The following MAN2A1 variants were observed in gnomAD, a reference collection of about 807,000 sequenced individuals.
MAN2A1 encodes the protein mannosidase alpha class 2A member 1.
In MAN2A1, 76 loss-of-function variants were observed where a neutral mutation model predicts 142.6. That is an observed-to-expected ratio of 0.53 (90% CI 0.44 to 0.65). The LOEUF is 0.65. MAN2A1 is among the 30% of genes least tolerant of loss of function. The pLI, the probability that MAN2A1 is intolerant of heterozygous loss-of-function variation, is 0.00. For synonymous variants in MAN2A1, 559 were observed against 473.2 expected (o/e 1.18, Z -2.35); for missense variants, 1,311 against 1,365.1 (o/e 0.96, Z 0.62).
At chr5:109,789,382 A>T in intron 11 of MAN2A1, 78 bp from the exon 12 acceptor site, 1 of 831,950 alleles carries the variant, frequency 1.2e-6, no homozygotes, top group Non-Finnish European at 1.9e-6. Flanking sequence ...CTAAACTTGA[A>T]TTTGAATGGT....
At chr5:109,785,345 A>G (rs915282666) in intron 10 of MAN2A1, among the ~76,000 whole-genome samples, 2 of 151,654 alleles carry the variant, frequency 1.3e-5, no homozygotes, top group African/African-American at 2.4e-5. Flanking sequence ...TTGTTCTTGT[A>G]TACTTCTTTT....
At chr5:109,814,813 C>G (rs1450544543) in intron 12 of MAN2A1, among the ~76,000 whole-genome samples, 1 of 151,960 alleles carries the variant, frequency 6.6e-6, no homozygotes, top group Non-Finnish European at 1.5e-5. Context: ...AATTAGTGTT[C>G]TGGATGCTTA....
chr5:109,797,894 A>G (rs1753906472), intron 12 of MAN2A1, among the ~76,000 whole-genome samples: 1 of 152,218 alleles, frequency 6.6e-6, no homozygotes, highest in African/African-American at 2.4e-5. Context: ...ACTCAAAGTT[A>G]TCTTTCATAT....
At chr5:109,782,929 C>G (rs1753499292) in intron 9 of MAN2A1, among the ~76,000 whole-genome samples, 2 of 151,946 alleles carry the variant, frequency 1.3e-5, no homozygotes, top group South Asian at 4.2e-4. Context: ...ATGTTTCTTA[C>G]AAAGAAATAA....
At chr5:109,852,993 A>G (rs987654876) in intron 19 of MAN2A1, among the ~76,000 whole-genome samples, 2 of 152,132 alleles carry the variant, frequency 1.3e-5, no homozygotes, top group African/African-American at 4.8e-5. Context: ...TGGTGCTCTT[A>G]GGGTAGTGAA....
chr5:109,861,080 T>A (rs1442553544), intron 20 of MAN2A1, among the ~76,000 whole-genome samples: 1 of 152,210 alleles, frequency 6.6e-6, no homozygotes, highest in East Asian at 1.9e-4. Context: ...ATGTCCTGGG[T>A]ATGAGCATGT....
At chr5:109,750,519 T>C (rs1166995491) in intron 4 of MAN2A1, among the ~76,000 whole-genome samples, 1 of 152,114 alleles carries the variant, frequency 6.6e-6, no homozygotes, top group Non-Finnish European at 1.5e-5. Context: ...TAATGTTGTC[T>C]CTTTTCTTCC....
At chr5:109,732,782 G>A (rs1274843438) in intron 4 of MAN2A1, among the ~76,000 whole-genome samples, 1 of 152,114 alleles carries the variant, frequency 6.6e-6, no homozygotes, top group Non-Finnish European at 1.5e-5. Flanking sequence ...AGTATAGTTT[G>A]AAGTCAGGTA....
intron 1 of MAN2A1, among the ~76,000 whole-genome samples, chr5:109,705,006 C>G (rs1002325637): frequency 1.3e-5 from 2 of 152,124 alleles, no homozygotes; most frequent in Non-Finnish European, 2.9e-5. Context: ...ATTCAGCTAT[C>G]TAATAGTTTC....
chr5:109,703,116 G>A (rs911201444), intron 1 of MAN2A1, among the ~76,000 whole-genome samples: 1 of 152,152 alleles, frequency 6.6e-6, no homozygotes, highest in Non-Finnish European at 1.5e-5. Context: ...AACTATTTCT[G>A]TATGAAAAAC....
At chr5:109,732,503 G>A (rs1287870585) in intron 4 of MAN2A1, among the ~76,000 whole-genome samples, 5 of 152,046 alleles carry the variant, frequency 3.3e-5, no homozygotes, top group South Asian at 2.1e-4. Flanking sequence ...TAGGTCTAAC[G>A]TTTAAGTCTT....
At chr5:109,845,256 A>C (rs970383622) in intron 17 of MAN2A1, among the ~76,000 whole-genome samples, 3 of 152,170 alleles carry the variant, frequency 2.0e-5, no homozygotes, top group African/African-American at 4.8e-5. Flanking sequence ...TTTCTCAAAA[A>C]GTAGAGTCAT....
intron 12 of MAN2A1, among the ~76,000 whole-genome samples, chr5:109,794,017 G>A (rs187248727): frequency 1.1e-4 from 16 of 152,162 alleles, no homozygotes; most frequent in Middle Eastern, 3.4e-3. Context: ...GTAAGAATGT[G>A]TCTTAGAAAA....
intron 3 of MAN2A1, among the ~76,000 whole-genome samples, chr5:109,717,320 A>T (rs1385378810): frequency 6.6e-6 from 1 of 152,098 alleles, no homozygotes; most frequent in Non-Finnish European, 1.5e-5. Context: ...GTCTGGACAC[A>T]TGATTTAGTG....
chr5:109,823,493 C>CCATTGCTGTAAGACTTCACTTACAG (rs1754680998), intron 15 of MAN2A1, among the ~76,000 whole-genome samples: 1 of 152,072 alleles, frequency 6.6e-6, no homozygotes, highest in Non-Finnish European at 1.5e-5. Context: ...GCTTTCTAGA[C>CCATTGCTGTAAGACTTCACTTACAG]CAGTGAAGTT....
At position 109,823,766 on chromosome 5, in the gene MAN2A1, G is replaced by A; in HGVS notation, c.2495G>A (p.Gly832Glu). ...CCGCCCTTTGTCAGAGTGACACATG[G>A]AAGGATTTATTCGGAAGTGACTTGC... is the stretch of plus-strand genomic sequence containing the variant. ...TTPPFVRVTH[G>E]RIYSEVTCFF... is the part of the protein sequence containing the mutation. The change falls in exon 16 of 22, where the codon GGA (glycine) becomes GAA (glutamate). Residue 832 changes from glycine to glutamate, a missense_variant. Gly to Glu is a moderately conservative substitution (Grantham distance 98, BLOSUM62 -2). This residue lies in a region of MAN2A1 where 890 missense variants were observed against 920.5 expected (regional missense o/e 0.97). Transcript: ENST00000261483. 1.2e-6 allele frequency: 2 copies of A among 1,609,632 alleles called. No individual in the cohort carries two copies. The highest frequency in any genetic ancestry group is 1.7e-6 in the Non-Finnish European group (2 of 1,178,086).
intron 1 of MAN2A1, 55 bp from the exon 2 acceptor site, chr5:109,713,465 C>A: frequency 1.4e-6 from 2 of 1,464,452 alleles, no homozygotes; most frequent in Non-Finnish European, 1.8e-6. Flanking sequence ...ATGTGTATGC[C>A]TCAGCAGATC....
chr5:109,784,813 A>G lies in MAN2A1; in HGVS notation c.1647A>G (p.Ser549=). 6.2e-7 allele frequency: 1 copy of G among 1,612,490 alleles called. No individual in the cohort carries two copies. Among genetic ancestry groups the G allele is most frequent in the Non-Finnish European group, 8.5e-7 (1 of 1,179,340 alleles). Residue 549 remains serine (S), a synonymous_variant, in exon 10 of 22, where the codon TCA becomes TCG. Transcript: ENST00000261483. The part of the protein sequence containing the change: ...AHKYKINKFL[S]SSLYTALTEA... ...AATACAAGATAAATAAATTTCTCTC[A>G]TCATCACTTTACACGGCACTGACAG...
At chr5:109,813,286 T>A (rs1162943785) in intron 12 of MAN2A1, among the ~76,000 whole-genome samples, 3 of 152,192 alleles carry the variant, frequency 2.0e-5, no homozygotes, top group Non-Finnish European at 4.4e-5. Context: ...TTCTTCACAT[T>A]TGAATTTGGA....
Sources: allele counts gnomAD v4.1 joint callset (sites outside exome capture counted in the v4.1 genomes callset), GRCh38; gene constraint gnomAD v4.1.1; regional missense constraint gnomAD v4.1.1; transcripts MANE v1.5; gene names NCBI Gene and HGNC (gene_info 2026-07-23, HGNC 2026-07-21).